Variants in TOP2B observed in about 807,000 individuals in gnomAD.
TOP2B encodes DNA topoisomerase 2-beta.
TOP2B carries 51 observed loss-of-function variants against 193.5 expected under a neutral mutation model. The ratio of observed to expected loss-of-function variants is 0.26; its 90% confidence interval spans 0.21 to 0.33. TOP2B has a LOEUF of 0.33. TOP2B is among the 10% of genes least tolerant of loss of function. The pLI is 1.00. For missense variants in TOP2B, 1,378 were observed against 1,909.3 expected (o/e 0.72, Z 5.19); for synonymous variants, 634 against 635.7 (o/e 1.00, Z 0.04).
chr3:25,642,451 G>C, intron 3 of TOP2B, 66 bp from the exon 4 acceptor site: 1 of 976,918 alleles, frequency 1.0e-6, no homozygotes, highest in Non-Finnish European at 1.5e-6. Flanking sequence ...GGACACAACT[G>C]TATGTGCATC....
intron 23 of TOP2B, 94 bp downstream of exon 23, chr3:25,619,768 C>T (rs554669227): frequency 2.1e-5 from 16 of 778,628 alleles, no homozygotes; most frequent in Non-Finnish European, 3.0e-5. Flanking sequence ...TGCCTTCAGG[C>T]TTACTATAGC....
chr3:25,648,595 A>T (rs974110697), intron 1 of TOP2B, among the ~76,000 whole-genome samples: 2 of 152,174 alleles, frequency 1.3e-5, no homozygotes, highest in African/African-American at 2.4e-5. Flanking sequence ...AGTGGCTCAC[A>T]CCTGTAATCC....
At chr3:25,603,725 A>T (rs1056071431) in intron 33 of TOP2B, among the ~76,000 whole-genome samples, 3 of 152,242 alleles carry the variant, frequency 2.0e-5, no homozygotes, top group African/African-American at 7.2e-5. Context: ...TAAGTTACCA[A>T]GCCAATCATC....
At chr3:25,615,875 A>C in intron 25 of TOP2B, 1 of 214,524 alleles carries the variant, frequency 4.7e-6, no homozygotes, top group East Asian at 9.8e-5. Flanking sequence ...CAGTAACAAA[A>C]TGAGAGGATA....
intron 6 of TOP2B, among the ~76,000 whole-genome samples, chr3:25,636,775 G>A (rs573803017): frequency 1.3e-4 from 19 of 151,798 alleles, no homozygotes; most frequent in Non-Finnish European, 2.7e-4. Context: ...CGGGGTTGCT[G>A]GAGAGCAATA....
intron 6 of TOP2B, among the ~76,000 whole-genome samples, chr3:25,636,988 T>G (rs1230887645): frequency 6.6e-6 from 1 of 152,016 alleles, no homozygotes; most frequent in South Asian, 2.1e-4. Flanking sequence ...AAATAAAGTC[T>G]GTTAAATAAA....
At chr3:25,663,213 T>A (rs1703969028) in intron 1 of TOP2B, among the ~76,000 whole-genome samples, 1 of 152,192 alleles carries the variant, frequency 6.6e-6, no homozygotes, top group South Asian at 2.1e-4. Context: ...AAATTGCTAT[T>A]CAACTCACCC....
intron 1 of TOP2B, among the ~76,000 whole-genome samples, chr3:25,654,911 T>C (rs1172375942): frequency 6.6e-6 from 1 of 152,112 alleles, no homozygotes; most frequent in African/African-American, 2.4e-5. Flanking sequence ...AAAATTAACA[T>C]AGATTAAAGA....
At chr3:25,604,184 C>T (rs991129778) in intron 33 of TOP2B, among the ~76,000 whole-genome samples, 9 of 152,072 alleles carry the variant, frequency 5.9e-5, no homozygotes, top group African/African-American at 2.2e-4. Context: ...TTAAATAGCA[C>T]ACATCTCAAT....
In TOP2B at chr3:25,598,381, C is replaced by T; in HGVS notation, c.4807G>A (p.Ala1603Thr). 1 of 1,613,580 alleles carries T rather than the reference C, an allele frequency of 6.2e-7. No homozygotes were observed. Among genetic ancestry groups the T allele is most frequent in the East Asian group, 2.2e-5 (1 of 44,856 alleles). Residue 1603 changes from alanine to threonine, a missense_variant, in exon 36 of 36, where the codon GCT (alanine) becomes ACT (threonine). By Grantham distance (58) the Ala-to-Thr change is moderately conservative. Transcript: ENST00000264331. ...EPPSLPRTGRARKEVKYFAES... is the reference protein window; with the variant it reads ...EPPSLPRTGRTRKEVKYFAES... ...GCAAAATATTTTACTTCTTTCCTAG[C>T]CCGACCGGTTCGTGGCAGAGAAGGT... is the stretch of plus-strand genomic sequence containing the variant.
At chr3:25,640,151 T>A (rs1400338445) in intron 4 of TOP2B, among the ~76,000 whole-genome samples, 2 of 152,170 alleles carry the variant, frequency 1.3e-5, no homozygotes, top group Non-Finnish European at 2.9e-5. Flanking sequence ...TTTATTTTAA[T>A]CAAAATAATA....
chr3:25,642,449 C>T (rs1559505692), intron 3 of TOP2B, 64 bp from the exon 4 acceptor site: 5 of 1,003,858 alleles, frequency 5.0e-6, no homozygotes, highest in Non-Finnish European at 7.5e-6. Flanking sequence ...ATGGACACAA[C>T]TGTATGTGCA....
chr3:25,625,532 T>TTCTGTTTG (rs113732608), intron 18 of TOP2B, among the ~76,000 whole-genome samples: 1 of 151,552 alleles, frequency 6.6e-6, no homozygotes, highest in African/African-American at 2.4e-5. Context: ...TCATGAGGTT[T>TTCTGTTTG]TTTGTTTGTT....
rs1432164040 is a variant in TOP2B at position 25,638,168 on chromosome 3, T to C, written c.538A>G (p.Thr180Ala). 2 of 1,567,692 alleles carry C rather than the reference T, an allele frequency of 1.3e-6. No individual in the cohort carries two copies. The highest frequency in any genetic ancestry group is 1.7e-6 in the Non-Finnish European group (2 of 1,155,034). ...CAAAATTCCATTCAGACTTTACCTG[T>C]AACTTTTTTCTCATCATCATCATAG... The part of the protein sequence containing the change: ...SNYDDDEKKV[T>A]GGRNGYGAKL... Residue 180 changes from threonine (T) to alanine (A), a missense_variant, in exon 5 of 36, where the codon ACA becomes GCA. This residue lies in a region of TOP2B where 222 missense variants were observed against 306.6 expected (regional missense o/e 0.72). Transcript: ENST00000264331.
In TOP2B at chr3:25,643,686, G is replaced by C; in HGVS notation, c.331+8C>G. On this transcript the variant is annotated splice_region_variant and intron_variant, in intron 3 of 35. Coordinates refer to ENST00000264331, the MANE Select transcript of TOP2B (RefSeq NM_001330700.2). ...GAAACATGCATTAAATCCTAAGCAA[G>C]TACTCACCCAAAATTTCATCAAAGA... The C allele has an allele frequency of 6.2e-7, 1 of 1,606,170 alleles. No individual in the cohort carries two copies. Among genetic ancestry groups the C allele is most frequent in the Non-Finnish European group, 8.5e-7 (1 of 1,173,394 alleles).
intron 19 of TOP2B, 40 bp downstream of exon 19, chr3:25,624,642 A>G: frequency 2.5e-6 from 4 of 1,605,106 alleles, no homozygotes; most frequent in Non-Finnish European, 3.4e-6. Context: ...CTTCAAGACA[A>G]TAATTACAGT....
chr3:25,615,205 A>C lies in TOP2B; in HGVS notation c.3591T>G (p.Asp1197Glu). 1 of 1,610,144 alleles carries C rather than the reference A, an allele frequency of 6.2e-7. No homozygotes were observed. Among genetic ancestry groups the C allele is most frequent in the South Asian group, 1.1e-5 (1 of 90,452 alleles). ...AAATTTTAATAGAGACTTAACCTACATCCAGTTCTTCAACAAATGCCGCTA... is the reference window on the plus strand; with the variant it reads ...AAATTTTAATAGAGACTTAACCTACCTCCAGTTCTTCAACAAATGCCGCTA... ...EDLAAFVEEL[D>E]KVESQEREDV... The change falls in exon 27 of 36, where the codon GAT (aspartate) becomes GAG (glutamate). Residue 1197 changes from aspartate to glutamate, a missense_variant and splice_region_variant. This residue lies in a region of TOP2B where 556 missense variants were observed against 584.2 expected (regional missense o/e 0.95). Coordinates refer to ENST00000264331, the MANE Select transcript of TOP2B (RefSeq NM_001330700.2).
intron 21 of TOP2B, among the ~76,000 whole-genome samples, chr3:25,622,743 C>A (rs1026369003): frequency 6.6e-6 from 1 of 151,386 alleles, no homozygotes; most frequent in Non-Finnish European, 1.5e-5. Context: ...TGGGTTCAAG[C>A]GATTCTCCTG....
At chr3:25,647,614 TAAAA>T (rs61293801) in intron 1 of TOP2B, among the ~76,000 whole-genome samples, 1 of 144,556 alleles carries the variant, frequency 6.9e-6, no homozygotes, top group Non-Finnish European at 1.5e-5. Context: ...CACACAGGGA[TAAAA>T]AAAAAAAAAC....
Sources: allele counts gnomAD v4.1 joint callset (sites outside exome capture counted in the v4.1 genomes callset), GRCh38; gene constraint gnomAD v4.1.1; regional missense constraint gnomAD v4.1.1; transcripts MANE v1.5; gene names NCBI Gene and HGNC (gene_info 2026-07-23, HGNC 2026-07-21).